The following GPC6 variants were observed in gnomAD, a reference collection of about 807,000 sequenced individuals.
The protein encoded by GPC6 is glypican-6.
GPC6 carries 14 observed loss-of-function variants against 55.2 expected under a neutral mutation model. The observed-to-expected ratio is 0.25, with a 90% CI of 0.17 to 0.40. GPC6 has a LOEUF of 0.40. Ranked by LOEUF, GPC6 falls within the 10% of genes least tolerant of loss-of-function variation. The pLI, the probability that GPC6 is intolerant of heterozygous loss-of-function variation, is 1.00. For missense variants in GPC6, 641 were observed against 708.5 expected (o/e 0.90, Z 1.08); for synonymous variants, 278 against 259.6 (o/e 1.07, Z -0.68).
chr13:93,896,593 T>C (rs1190497742), intron 3 of GPC6, among the ~76,000 whole-genome samples: 1 of 152,108 alleles, frequency 6.6e-6, no homozygotes, highest in Admixed American at 6.6e-5. Context: ...ATGTTATATT[T>C]CAGAAGCAGG....
intron 4 of GPC6, among the ~76,000 whole-genome samples, chr13:94,281,700 C>T (rs943925261): frequency 3.3e-5 from 5 of 152,152 alleles, no homozygotes; most frequent in Admixed American, 6.6e-5. Context: ...TAATGGCTAG[C>T]TCCCTGTGTC....
intron 2 of GPC6, among the ~76,000 whole-genome samples, chr13:93,584,818 A>G (rs571637749): frequency 6.6e-6 from 1 of 150,882 alleles, no homozygotes; most frequent in Non-Finnish European, 1.5e-5. Flanking sequence ...TCTCCAAAGT[A>G]GCTGGGCCTA....
chr13:94,164,190 A>T (rs1423250443), intron 4 of GPC6, among the ~76,000 whole-genome samples: 1 of 152,200 alleles, frequency 6.6e-6, no homozygotes, highest in South Asian at 2.1e-4. Flanking sequence ...TATTATCTAT[A>T]AAACTGTATC....
intron 1 of GPC6, among the ~76,000 whole-genome samples, chr13:93,272,341 A>T (rs748780305): frequency 5.9e-5 from 9 of 151,888 alleles, no homozygotes; most frequent in Non-Finnish European, 2.9e-5. Flanking sequence ...ACCATGATAT[A>T]TAAATTTATT....
chr13:94,296,766 A>G (rs1875356346), intron 5 of GPC6, among the ~76,000 whole-genome samples: 4 of 152,234 alleles, frequency 2.6e-5, no homozygotes, highest in Admixed American at 2.0e-4. Context: ...AACTACCAAC[A>G]TAATGTCACT....
intron 2 of GPC6, among the ~76,000 whole-genome samples, chr13:93,637,100 G>T (rs916292003): frequency 6.6e-5 from 10 of 151,866 alleles, no homozygotes; most frequent in South Asian, 2.1e-4. Context: ...AGGGGATGGG[G>T]GCATAAACAG....
At chr13:93,758,414 A>G (rs1884849545) in intron 2 of GPC6, among the ~76,000 whole-genome samples, 1 of 152,102 alleles carries the variant, frequency 6.6e-6, no homozygotes. Context: ...ATTTGAGTAC[A>G]GTCTTTCCTC....
chr13:93,383,233 A>T (rs1875255563), intron 1 of GPC6, among the ~76,000 whole-genome samples: 1 of 152,134 alleles, frequency 6.6e-6, no homozygotes, highest in African/African-American at 2.4e-5. Context: ...TTATTTTGAG[A>T]TAGGGTCTCA....
At chr13:94,185,970 G>T (rs1889167427) in intron 4 of GPC6, among the ~76,000 whole-genome samples, 2 of 141,934 alleles carry the variant, frequency 1.4e-5, no homozygotes, top group Non-Finnish European at 3.0e-5. Context: ...TGAGGCAGGA[G>T]AATGGCATGA....
At chr13:93,626,083 A>G (rs1439134703) in intron 2 of GPC6, among the ~76,000 whole-genome samples, 1 of 152,172 alleles carries the variant, frequency 6.6e-6, no homozygotes, top group Non-Finnish European at 1.5e-5. Context: ...CTTATGCACA[A>G]TTTCATTTGC....
At chr13:94,150,921 A>G (rs576427819) in intron 4 of GPC6, among the ~76,000 whole-genome samples, 5 of 151,114 alleles carry the variant, frequency 3.3e-5, no homozygotes, top group East Asian at 2.0e-4. Context: ...TTCTGTTGGT[A>G]GCTTCTCTTT....
intron 1 of GPC6, among the ~76,000 whole-genome samples, chr13:93,314,754 T>TGTGTGCGCGCGC (rs1555290021): frequency 2.8e-4 from 42 of 149,400 alleles, no homozygotes; most frequent in African/African-American, 9.2e-4. Flanking sequence ...TGTGTGTGTG[T>TGTGTGCGCGCGC]GTGCACGCAT....
At chr13:94,018,257 G>A (rs1566293632) in intron 3 of GPC6, among the ~76,000 whole-genome samples, 1 of 151,376 alleles carries the variant, frequency 6.6e-6, no homozygotes, top group African/African-American at 2.4e-5. Context: ...TAACTTTCTG[G>A]GAGAAATCTC....
At chr13:93,744,938 A>C (rs1884349205) in intron 2 of GPC6, among the ~76,000 whole-genome samples, 2 of 148,994 alleles carry the variant, frequency 1.3e-5, no homozygotes, top group East Asian at 3.9e-4. Flanking sequence ...CTCTGTCTCA[A>C]AAAAAAAAAA....
At chr13:93,334,212 G>A (rs1879963713) in intron 1 of GPC6, among the ~76,000 whole-genome samples, 1 of 151,994 alleles carries the variant, frequency 6.6e-6, no homozygotes, top group African/African-American at 2.4e-5. Flanking sequence ...TCTGGATTCT[G>A]TTCTATTTGT....
At chr13:93,340,280 C>A (rs979208319) in intron 1 of GPC6, among the ~76,000 whole-genome samples, 1 of 151,838 alleles carries the variant, frequency 6.6e-6, no homozygotes. Context: ...GTGATCTGCC[C>A]GCCTCGGCCT....
chr13:94,105,334 GA>G (rs1886013296), intron 4 of GPC6, among the ~76,000 whole-genome samples: 2 of 103,638 alleles, frequency 1.9e-5, no homozygotes, highest in African/African-American at 3.8e-5. Flanking sequence ...GCTCCAGCCT[GA>G]ACAATAGAGC....
intron 2 of GPC6, among the ~76,000 whole-genome samples, chr13:93,639,100 A>T (rs1879809523): frequency 6.6e-6 from 1 of 152,102 alleles, no homozygotes; most frequent in Admixed American, 6.6e-5. Context: ...TAAAAAAAAA[A>T]GTTTGTCACG....
At position 93,484,253 on chromosome 13, in the gene GPC6, A is replaced by G. The variant is rs530237305; in HGVS notation, c.161-61010A>G. Among the ~76,000 whole-genome samples the G allele has an allele frequency of 9.9e-5, 15 of 152,194 alleles. No homozygotes were observed. In the South Asian group the frequency reaches 1.9e-3, roughly 19 times the overall value. On this transcript the variant is annotated intron_variant, in intron 1 of 8. Transcript: ENST00000377047. ...TTTAATAACAGATATCATTTTCTGTAGGATATTTTTATCACTTTAGGAAGT... is the reference window on the plus strand; with the variant it reads ...TTTAATAACAGATATCATTTTCTGTGGGATATTTTTATCACTTTAGGAAGT...
Sources: allele counts gnomAD v4.1 joint callset (sites outside exome capture counted in the v4.1 genomes callset), GRCh38; gene constraint gnomAD v4.1.1; transcripts MANE v1.5; gene names NCBI Gene and HGNC (gene_info 2026-07-23, HGNC 2026-07-21).